VWA5B1: variants seen among roughly 807,000 people sequenced by gnomAD.
VWA5B1 encodes the protein von Willebrand factor A domain-containing protein 5B1.
VWA5B1 carries 115 observed loss-of-function variants against 118.2 expected under a neutral mutation model. That is an observed-to-expected ratio of 0.97 (90% CI 0.84 to 1.14). The LOEUF is 1.14. VWA5B1 is among the 50% of genes most tolerant of loss of function. VWA5B1 has a pLI of 0.00. For synonymous variants in VWA5B1, 682 were observed against 658.4 expected (o/e 1.04, Z -0.55); for missense variants, 1,596 against 1,603.8 (o/e 1.00, Z 0.08).
At chr1:20,321,220 G>A (rs890620309) in intron 7 of VWA5B1, among the ~76,000 whole-genome samples, 1 of 151,828 alleles carries the variant, frequency 6.6e-6, no homozygotes, top group Non-Finnish European at 1.5e-5. Context: ...TAAATCTTAG[G>A]GGGGCAATAC....
In VWA5B1 at chr1:20,317,516, C is replaced by T. The variant is rs1320022184; in HGVS notation, c.564-14C>T. The T allele has an allele frequency of 3.9e-6, 6 of 1,550,750 alleles. No individual in the cohort carries two copies. The highest frequency in any genetic ancestry group is 5.2e-6 in the Non-Finnish European group (6 of 1,146,562). On this transcript the variant is annotated splice_polypyrimidine_tract_variant and intron_variant, in intron 4 of 21. Coordinates refer to ENST00000289815, the MANE Select transcript of VWA5B1 (RefSeq NM_001039500.3). Reference sequence around the variant, plus strand: ...CCTGGCTGGTCTCCTTTCCTTCCCCCGGCCCTTTTCCAGCAAAGACAGGCA... The same window carrying T: ...CCTGGCTGGTCTCCTTTCCTTCCCCTGGCCCTTTTCCAGCAAAGACAGGCA...
At chr1:20,334,689 C>T (rs1248561540) in intron 12 of VWA5B1, among the ~76,000 whole-genome samples, 1 of 152,006 alleles carries the variant, frequency 6.6e-6, no homozygotes, top group East Asian at 1.9e-4. Flanking sequence ...CAGTCACCTG[C>T]AACCCCAGCT....
chr1:20,334,971 TAAC>T (rs1194441330), intron 12 of VWA5B1, among the ~76,000 whole-genome samples: 1 of 152,116 alleles, frequency 6.6e-6, no homozygotes, highest in Non-Finnish European at 1.5e-5. Flanking sequence ...ACTGAATGCT[TAAC>T]AACAAGGGGT....
intron 18 of VWA5B1, 49 bp from the exon 19 acceptor site, chr1:20,350,107 G>A (rs1421640433): frequency 6.5e-7 from 1 of 1,526,794 alleles, no homozygotes; most frequent in Non-Finnish European, 8.9e-7. Flanking sequence ...GGGATGGGAG[G>A]CGAGGAAGGG....
At chr1:20,352,232 C>T in intron 21 of VWA5B1, 60 bp downstream of exon 21, 1 of 1,278,224 alleles carries the variant, frequency 7.8e-7, no homozygotes, top group Non-Finnish European at 1.1e-6. Context: ...CAGGGCCTTC[C>T]TGTGATCCCC....
intron 7 of VWA5B1, among the ~76,000 whole-genome samples, chr1:20,320,884 A>G (rs892444448): frequency 1.3e-5 from 2 of 152,148 alleles, no homozygotes; most frequent in South Asian, 2.1e-4. Context: ...TCTGTCATCA[A>G]AAGAGCCCGT....
intron 14 of VWA5B1, chr1:20,338,349 A>ATTTG (rs997220189): frequency 6.1e-5 from 19 of 309,906 alleles, no homozygotes; most frequent in African/African-American, 2.4e-4. Flanking sequence ...TTTTTTGTTT[A>ATTTG]TTTGTTTGTT....
chr1:20,305,693 CA>C (rs895589505), intron 1 of VWA5B1, among the ~76,000 whole-genome samples: 6 of 151,916 alleles, frequency 3.9e-5, no homozygotes, highest in African/African-American at 1.5e-4. Flanking sequence ...GGAGCTGACT[CA>C]GGGGCACAGA....
chr1:20,319,265 C>G lies in VWA5B1; in HGVS notation c.842-117C>G, dbSNP rs1452731490. The G allele has an allele frequency of 6.3e-6, 9 of 1,430,826 alleles. No individual in the cohort carries two copies. In the Admixed American group the frequency reaches 8.9e-5, roughly 14 times the overall value. 88.6% of individuals were successfully genotyped at this position (1,430,826 alleles called of 1,614,324 possible). On this transcript the variant is annotated intron_variant, in intron 6 of 21. Transcript: ENST00000289815. ...CTGCTTCAGGCAGCCAGGGCTTCCA[C>G]CCCGCTTCCAAATGGGAGTCCCACC... is the stretch of plus-strand genomic sequence containing the variant.
chr1:20,336,891 G>T (rs2142628), intron 13 of VWA5B1, among the ~76,000 whole-genome samples: 17,811 of 152,116 alleles, frequency 0.12, 1,696 homozygotes, highest in East Asian at 0.51. Flanking sequence ...AGAGTGACAG[G>T]GTGCCAGGGA....
chr1:20,299,649 G>A (rs1415724590), intron 1 of VWA5B1, among the ~76,000 whole-genome samples: 1 of 152,110 alleles, frequency 6.6e-6, no homozygotes, highest in Non-Finnish European at 1.5e-5. Context: ...AGCGATCCAC[G>A]CACCTCAGCC....
chr1:20,323,230 C>A, intron 7 of VWA5B1, 126 bp from the exon 8 acceptor site: 1 of 905,516 alleles, frequency 1.1e-6, no homozygotes, highest in Non-Finnish European at 1.5e-6. Context: ...CACAGTCAGC[C>A]CGGAAGTCTT....
At chr1:20,326,741 GC>G (rs139680110) in intron 8 of VWA5B1, among the ~76,000 whole-genome samples, 2,338 of 152,154 alleles carry the variant, frequency 0.015, 57 homozygotes, top group African/African-American at 0.052. Context: ...GAGTTACCGT[GC>G]CCAGCCAAAG....
intron 9 of VWA5B1, among the ~76,000 whole-genome samples, chr1:20,329,184 C>T (rs914559782): frequency 6.6e-6 from 1 of 151,642 alleles, no homozygotes; most frequent in Non-Finnish European, 1.5e-5. Context: ...TTTAATTATT[C>T]CCTTAGGATT....
intron 3 of VWA5B1, 75 bp downstream of exon 3, chr1:20,313,063 C>T: frequency 4.0e-6 from 6 of 1,505,046 alleles, no homozygotes; most frequent in Non-Finnish European, 5.4e-6. Context: ...AGCCTCAGGC[C>T]AACTGCAAGG....
rs1187804864 is a variant in VWA5B1, at chr1:20,337,723, A to G, written c.2020A>G (p.Met674Val). The part of the protein sequence containing the change: ...TNHKPLPRAT[M>V]ASDPMPAAKR... ...TCACAAGCCCCTCCCAAGAGCCACC[A>G]TGGCAAGTGACCCCATGCCAGCTGC... The change falls in exon 14 of 22, where the codon ATG becomes GTG. Residue 674 changes from methionine (M) to valine (V), a missense_variant. Physicochemically the swap from Met to Val is conservative, Grantham distance 21. Coordinates refer to ENST00000289815, the MANE Select transcript of VWA5B1 (RefSeq NM_001039500.3). The G allele has an allele frequency of 1.9e-6, 3 of 1,551,590 alleles. No homozygotes were observed. The African/African-American group carries it at 4.1e-5, about 21-fold the overall frequency.
chr1:20,294,629 G>A lies in VWA5B1; in HGVS notation c.-27+3541G>A, dbSNP rs12081122. 2.2e-4 allele frequency among the ~76,000 whole-genome samples: 33 copies of A among 150,252 alleles called. 2 individuals carry two copies. The highest frequency in any genetic ancestry group is 7.0e-4 in the African/African-American group (28 of 39,990). ...CAAGTAGCTGGGATTACAGGCATGC[G>A]CCACCACGCCAGGCTAATTTTGTAT... On this transcript the variant is annotated intron_variant, in intron 1 of 21. Transcript: ENST00000289815.
At chr1:20,316,660 T>G (rs1372299067) in intron 4 of VWA5B1, among the ~76,000 whole-genome samples, 3 of 151,906 alleles carry the variant, frequency 2.0e-5, no homozygotes, top group Non-Finnish European at 4.4e-5. Flanking sequence ...GAAACGTGAG[T>G]ACTCAGCAGG....
chr1:20,349,564 G>A (rs954904008), intron 18 of VWA5B1, among the ~76,000 whole-genome samples: 57 of 151,822 alleles, frequency 3.8e-4, no homozygotes, highest in African/African-American at 1.4e-3. Flanking sequence ...TATATTTTTA[G>A]TAGAGTTGGG....
Sources: allele counts gnomAD v4.1 joint callset (sites outside exome capture counted in the v4.1 genomes callset), GRCh38; gene constraint gnomAD v4.1.1; transcripts MANE v1.5; gene names NCBI Gene and HGNC (gene_info 2026-07-23, HGNC 2026-07-21).